The following DLGAP1 variants were observed in gnomAD, a reference collection of about 807,000 sequenced individuals.
The protein encoded by DLGAP1 is DLG associated protein 1.
In DLGAP1, 11 loss-of-function variants were observed where a neutral mutation model predicts 90.8. The ratio of observed to expected loss-of-function variants is 0.12; its 90% confidence interval spans 0.08 to 0.20. The LOEUF (loss-of-function observed/expected upper bound fraction) is 0.20, where lower values mean the gene tolerates loss of function less well. DLGAP1 is among the 10% of genes least tolerant of loss of function. The pLI, the probability that DLGAP1 is intolerant of heterozygous loss-of-function variation, is 1.00. For missense variants in DLGAP1, 1,050 were observed against 1,333.8 expected (o/e 0.79, Z 3.31); for synonymous variants, 558 against 540.7 (o/e 1.03, Z -0.44).
chr18:3,709,156 T>C (rs2061527524), intron 7 of DLGAP1, among the ~76,000 whole-genome samples: 1 of 152,154 alleles, frequency 6.6e-6, no homozygotes, highest in Non-Finnish European at 1.5e-5. Flanking sequence ...TGATGGCAAG[T>C]GCTATGAAGA....
chr18:4,266,328 T>C (rs1168353059), intron 1 of DLGAP1, among the ~76,000 whole-genome samples: 4 of 152,216 alleles, frequency 2.6e-5, no homozygotes, highest in African/African-American at 9.6e-5. Context: ...ACTAATCACT[T>C]GCTTGGATGA....
chr18:3,748,593 G>A (rs1035400386), intron 5 of DLGAP1, among the ~76,000 whole-genome samples: 1 of 152,168 alleles, frequency 6.6e-6, no homozygotes, highest in Non-Finnish European at 1.5e-5. Flanking sequence ...GGGACCCAGA[G>A]GAAACATTTT....
rs527897663 is a variant in DLGAP1, at chr18:4,442,951, T to C, written c.-267+12055A>G. Among the ~76,000 whole-genome samples, 9 of 152,326 alleles carry C rather than the reference T, an allele frequency of 5.9e-5. No individual in the cohort carries two copies. In the East Asian group the frequency reaches 1.7e-3, roughly 29 times the overall value. On this transcript the variant is annotated intron_variant, in intron 1 of 12. Coordinates refer to ENST00000315677, the MANE Select transcript of DLGAP1 (RefSeq NM_004746.4). ...TAGAATAGTGCTTGGCACATAGTAG[T>C]CATTCAATAAATCGGTTTTGGTTGA...
chr18:3,573,465 G>A (rs866346786), intron 8 of DLGAP1, among the ~76,000 whole-genome samples: 26 of 152,208 alleles, frequency 1.7e-4, no homozygotes, highest in African/African-American at 6.0e-4. Context: ...TCATACCACC[G>A]CACTCCAGCC....
chr18:4,073,647 A>G (rs77488997), intron 2 of DLGAP1, among the ~76,000 whole-genome samples: 4,429 of 152,328 alleles, frequency 0.029, 204 homozygotes, highest in African/African-American at 0.1. Flanking sequence ...TTCTTTACCT[A>G]CAAAAAACTA....
rs182459857 is a variant in DLGAP1 at position 4,383,605 on chromosome 18, T to C, written c.-267+71401A>G. ...TGCTCATTAAAAAAAAAGGGATGTT[T>C]ACCTATGAGAATCAAGTAGAACTGC... On this transcript the variant is annotated intron_variant, in intron 1 of 12. Transcript: ENST00000315677. This position sits in a 1 kb window ranked among gnomAD's most constrained non-coding sequence, Gnocchi z 4.0. 6.6e-6 allele frequency among the ~76,000 whole-genome samples: 1 copy of C among 152,194 alleles called. No individual in the cohort carries two copies. Among genetic ancestry groups the C allele is most frequent in the East Asian group, 1.9e-4 (1 of 5,180 alleles).
chr18:4,120,029 G>A (rs2076127781), intron 2 of DLGAP1, among the ~76,000 whole-genome samples: 2 of 152,130 alleles, frequency 1.3e-5, no homozygotes, highest in Non-Finnish European at 2.9e-5. Flanking sequence ...ATTAATAAAA[G>A]GGACTGCTGA....
intron 3 of DLGAP1, among the ~76,000 whole-genome samples, chr18:3,931,681 G>T (rs896490318): frequency 1.3e-5 from 2 of 152,128 alleles, no homozygotes; most frequent in African/African-American, 2.4e-5. Flanking sequence ...AGCATCTAAG[G>T]ACATATTGCT....
intron 3 of DLGAP1, among the ~76,000 whole-genome samples, chr18:4,002,293 A>G (rs2149075960): frequency 8.8e-6 from 1 of 113,332 alleles, no homozygotes; most frequent in South Asian, 2.6e-4. Flanking sequence ...CTGCCTGTCT[A>G]TGTTAACACG....
At chr18:3,597,180 A>G in intron 7 of DLGAP1, 1 of 519,240 alleles carries the variant, frequency 1.9e-6, no homozygotes, top group South Asian at 1.4e-5. Flanking sequence ...ACACAGATGG[A>G]TATCTGAGAG....
intron 4 of DLGAP1, among the ~76,000 whole-genome samples, chr18:3,816,670 AG>A (rs2067121488): frequency 6.6e-6 from 1 of 152,120 alleles, no homozygotes; most frequent in Non-Finnish European, 1.5e-5. Flanking sequence ...CACACAGCGG[AG>A]GGGTGGTATT....
At chr18:3,963,730 C>T (rs910914655) in intron 3 of DLGAP1, among the ~76,000 whole-genome samples, 3 of 151,888 alleles carry the variant, frequency 2.0e-5, no homozygotes, top group Admixed American at 6.6e-5. Flanking sequence ...TGTCCCTCAC[C>T]AAGGCTGTAG....
At chr18:3,965,880 G>A (rs1047388025) in intron 3 of DLGAP1, among the ~76,000 whole-genome samples, 1 of 150,058 alleles carries the variant, frequency 6.7e-6, no homozygotes, top group Non-Finnish European at 1.5e-5. Flanking sequence ...CCCGGGAGGC[G>A]GAGGTTGCCG....
chr18:3,996,941 C>T (rs1293550966), intron 3 of DLGAP1, among the ~76,000 whole-genome samples: 1 of 151,574 alleles, frequency 6.6e-6, no homozygotes, highest in Non-Finnish European at 1.5e-5. Flanking sequence ...GACTACACTA[C>T]ACATTAATTA....
intron 1 of DLGAP1, among the ~76,000 whole-genome samples, chr18:4,244,032 T>C (rs2078602448): frequency 6.6e-6 from 1 of 152,184 alleles, no homozygotes. Context: ...TTTTTTTTTC[T>C]GTACCATCTG....
At chr18:3,991,566 G>GAA (rs2073969118) in intron 3 of DLGAP1, among the ~76,000 whole-genome samples, 1 of 152,200 alleles carries the variant, frequency 6.6e-6, no homozygotes, top group African/African-American at 2.4e-5. Context: ...GGTCTCTTCT[G>GAA]GAGGCTGACT....
chr18:3,799,729 C>T (rs1040586236), intron 5 of DLGAP1, among the ~76,000 whole-genome samples: 2 of 151,928 alleles, frequency 1.3e-5, no homozygotes, highest in African/African-American at 4.8e-5. Context: ...GTGAGGGCTG[C>T]GGAGTGCAGG....
intron 5 of DLGAP1, among the ~76,000 whole-genome samples, chr18:3,743,852 G>A (rs879858504): frequency 6.6e-5 from 10 of 152,068 alleles, no homozygotes; most frequent in Admixed American, 3.3e-4. Context: ...GTTTTGCTAT[G>A]TTGGCCAGGC....
intron 1 of DLGAP1, among the ~76,000 whole-genome samples, chr18:4,442,869 A>C (rs562827089): frequency 1.3e-5 from 2 of 152,278 alleles, no homozygotes; most frequent in South Asian, 4.1e-4. Context: ...ATGGCTCCAC[A>C]AGGGCATGCC....
Sources: allele counts gnomAD v4.1 joint callset (sites outside exome capture counted in the v4.1 genomes callset), GRCh38; gene constraint gnomAD v4.1.1; non-coding constraint Gnocchi (gnomAD v3.1); transcripts MANE v1.5; gene names NCBI Gene and HGNC (gene_info 2026-07-23, HGNC 2026-07-21).